The following CFAP20DC variants were observed in gnomAD, a reference collection of about 807,000 sequenced individuals.
CFAP20DC encodes protein CFAP20DC.
A neutral mutation model predicts 101.7 loss-of-function variants in CFAP20DC; 84 were observed. That is an observed-to-expected ratio of 0.83 (90% confidence interval 0.69 to 0.99). The LOEUF (loss-of-function observed/expected upper bound fraction) is 0.99. Among genes scored for constraint, CFAP20DC ranks in the 50% least tolerant of loss-of-function variants. CFAP20DC has a pLI of 0.00. For missense variants in CFAP20DC, 1,007 were observed against 970.3 expected, an observed-to-expected ratio of 1.04 and a Z score of -0.50; for synonymous variants, 359 against 351.2, an observed-to-expected ratio of 1.02 and a Z score of -0.25.
intron 15 of CFAP20DC, among the ~76,000 whole-genome samples, chr3:58,756,423 A>T (rs1316884079): frequency 6.6e-6 from 1 of 152,028 alleles, no homozygotes; most frequent in African/African-American, 2.4e-5. Flanking sequence ...TTCAAAACTG[A>T]CTTCGGTTCT....
intron 5 of CFAP20DC, among the ~76,000 whole-genome samples, chr3:58,928,405 T>C (rs1313446531): frequency 6.6e-6 from 1 of 152,174 alleles, no homozygotes. Flanking sequence ...ACTTACTCTA[T>C]GCCAGGCACT....
At chr3:58,966,849 A>G (rs923820884) in intron 4 of CFAP20DC, among the ~76,000 whole-genome samples, 3 of 152,176 alleles carry the variant, frequency 2.0e-5, no homozygotes, top group Non-Finnish European at 4.4e-5. Context: ...TTAAAAAATG[A>G]AATAAATAGA....
intron 3 of CFAP20DC, chr3:58,726,799 G>T: frequency 4.1e-6 from 1 of 243,780 alleles, no homozygotes. Context: ...AGACAAGAAT[G>T]ACCCATCACT....
rs1010100044 is a variant in CFAP20DC at position 58,861,563 on chromosome 3, G to C, written c.1593+1995C>G. The C allele has an allele frequency of 3.0e-6, 3 of 984,506 alleles. No homozygotes were observed. Among genetic ancestry groups the C allele is most frequent in the Non-Finnish European group, 3.6e-6 (3 of 829,066 alleles). The allele number at this position is 984,506 out of a possible 1,614,324, so 61.0% of individuals were successfully genotyped here. A position where few individuals can be genotyped will look rare whatever the true frequency, so the allele number is the denominator to read the frequency against. ...AAAAGAAAAAATCCAATTTTGTTAA[G>C]AAGGTATCATTACACATGCTAAAAC... On this transcript the variant is annotated intron_variant, in intron 12 of 16. Coordinates refer to ENST00000482387, the MANE Select transcript of CFAP20DC (RefSeq NM_001394063.1). The surrounding 1 kb of genome is among the most constrained non-coding windows in gnomAD (Gnocchi z 4.0).
intron 4 of CFAP20DC, among the ~76,000 whole-genome samples, chr3:58,972,082 T>C (rs991243091): frequency 6.6e-6 from 1 of 152,100 alleles, no homozygotes; most frequent in Admixed American, 6.6e-5. Context: ...AAAATAAATA[T>C]GCGAAAACAA....
chr3:58,927,801 C>T (rs958463333), intron 5 of CFAP20DC, among the ~76,000 whole-genome samples: 1 of 152,120 alleles, frequency 6.6e-6, no homozygotes, highest in African/African-American at 2.4e-5. Flanking sequence ...GGGTGAGATG[C>T]TCTCTGCCAC....
chr3:59,034,685 AT>A (rs1388952514), intron 4 of CFAP20DC, among the ~76,000 whole-genome samples: 1 of 152,230 alleles, frequency 6.6e-6, no homozygotes, highest in East Asian at 1.9e-4. Flanking sequence ...GAGTACTCAG[AT>A]TCATAAAGCA....
Position 58,869,632 on chromosome 3 carries a change from G to A in CFAP20DC, c.853-142C>T. The A allele has an allele frequency of 3.7e-6, 2 of 546,812 alleles. No homozygotes were observed. The highest frequency in any genetic ancestry group is 2.0e-5 in the African/African-American group (1 of 51,268). 33.9% of individuals were successfully genotyped at this position (546,812 alleles called of 1,614,324 possible). ...AATGAGGTTAAGATGTGAAGAAAAA[G>A]GAAATTATTATAGGAAATTAGAAAT... On this transcript the variant is annotated intron_variant, in intron 8 of 16. Coordinates refer to ENST00000482387, the MANE Select transcript of CFAP20DC (RefSeq NM_001394063.1). This position sits in a 1 kb window ranked among gnomAD's most constrained non-coding sequence, Gnocchi z 4.3.
intron 15 of CFAP20DC, among the ~76,000 whole-genome samples, chr3:58,803,905 T>A (rs1347786981): frequency 6.6e-6 from 1 of 152,266 alleles, no homozygotes; most frequent in Non-Finnish European, 1.5e-5. Flanking sequence ...TGGTGAATTA[T>A]TTCATATTCT....
At chr3:58,793,056 G>GT (rs1559597135) in intron 15 of CFAP20DC, among the ~76,000 whole-genome samples, 1 of 152,026 alleles carries the variant, frequency 6.6e-6, no homozygotes, top group African/African-American at 2.4e-5. Flanking sequence ...GGCCCAAAAT[G>GT]TTTTTAAGGT....
intron 14 of CFAP20DC, among the ~76,000 whole-genome samples, chr3:58,828,252 A>T (rs964777854): frequency 7.2e-5 from 11 of 152,190 alleles, no homozygotes; most frequent in African/African-American, 2.7e-4. Flanking sequence ...AATAATAATG[A>T]TAATAATAAT....
At chr3:58,875,242 A>AT (rs147250675) in intron 7 of CFAP20DC, among the ~76,000 whole-genome samples, 8,860 of 151,598 alleles carry the variant, frequency 0.058, 852 homozygotes, top group African/African-American at 0.2. Flanking sequence ...GTGCATATGT[A>AT]TTTTTTTTTA....
intron 4 of CFAP20DC, among the ~76,000 whole-genome samples, chr3:58,979,276 G>A (rs1204866954): frequency 1.3e-5 from 2 of 152,192 alleles, no homozygotes; most frequent in African/African-American, 4.8e-5. Context: ...GCAAGTTAGG[G>A]CTCCCTCTTC....
chr3:58,746,531 C>A (rs2068217372), intron 16 of CFAP20DC, among the ~76,000 whole-genome samples: 1 of 152,176 alleles, frequency 6.6e-6, no homozygotes, highest in Admixed American at 6.5e-5. Flanking sequence ...GGGTCTTTAT[C>A]ACCCATTTGC....
chr3:58,948,758 G>A (rs1472762980), intron 4 of CFAP20DC, among the ~76,000 whole-genome samples: 1 of 152,044 alleles, frequency 6.6e-6, no homozygotes. Flanking sequence ...CTCTTTTTTT[G>A]TTGTGTCTCT....
At chr3:58,916,102 A>G (rs2084680049) in intron 5 of CFAP20DC, among the ~76,000 whole-genome samples, 1 of 152,090 alleles carries the variant, frequency 6.6e-6, no homozygotes, top group South Asian at 2.1e-4. Flanking sequence ...TCCTTATACA[A>G]CTTTAAAAAC....
At chr3:58,835,161 C>A (rs1439359348) in intron 13 of CFAP20DC, among the ~76,000 whole-genome samples, 1 of 152,120 alleles carries the variant, frequency 6.6e-6, no homozygotes, top group African/African-American at 2.4e-5. Flanking sequence ...GAAAACAAGA[C>A]ATACTTCTGT....
rs572738831 is a variant in CFAP20DC at position 58,849,300 on chromosome 3, T to A, written c.1703A>T (p.Glu568Val). The change falls in exon 13 of 17, where the codon GAA becomes GTA. Residue 568 changes from glutamate to valine, a missense_variant. Transcript: ENST00000482387. ...TTCTGTGTAGGCGCTCCTTAGATAT[T>A]CCTTACTTGTCCGCTTTGCAGCCTT... ...LGKAAKRTSK[E>V]YLRSAYTEAG... The A allele has an allele frequency of 2.0e-6, 3 of 1,536,076 alleles. No individual in the cohort carries two copies. The highest frequency in any genetic ancestry group is 2.7e-5 in the African/African-American group (2 of 73,142).
At chr3:58,849,517 G>C (rs2078031511) in intron 12 of CFAP20DC, 108 bp from the exon 13 acceptor site, 2 of 821,114 alleles carry the variant, frequency 2.4e-6, no homozygotes, top group Non-Finnish European at 3.6e-6. Context: ...TAAAGCAAAA[G>C]CATCTATATA....
Sources: allele counts gnomAD v4.1 joint callset (sites outside exome capture counted in the v4.1 genomes callset), GRCh38; gene constraint gnomAD v4.1.1; non-coding constraint Gnocchi (gnomAD v3.1); transcripts MANE v1.5; gene names NCBI Gene and HGNC (gene_info 2026-07-23, HGNC 2026-07-21).